Variants in USP32 observed in about 807,000 individuals in gnomAD.
USP32 encodes ubiquitin carboxyl-terminal hydrolase 32.
USP32 carries 59 observed loss-of-function variants against 204.8 expected under a neutral mutation model. That is an observed-to-expected ratio of 0.29 (90% CI 0.23 to 0.36). The LOEUF (loss-of-function observed/expected upper bound fraction) is 0.36, where lower values mean the gene tolerates loss of function less well. Ranked by LOEUF, USP32 falls within the 10% of genes least tolerant of loss-of-function variation. The probability of loss-of-function intolerance (pLI) is 1.00; values close to 1 mark genes in which losing one functional copy is unlikely to be tolerated. For synonymous variants in USP32, 517 were observed against 678.4 expected (o/e 0.76, Z 3.70); for missense variants, 1,160 against 1,946.4 (o/e 0.60, Z 7.60).
intron 4 of USP32, among the ~76,000 whole-genome samples, chr17:60,291,977 A>G (rs746583046): frequency 6.6e-6 from 1 of 151,446 alleles, no homozygotes; most frequent in Non-Finnish European, 1.5e-5. Flanking sequence ...CATTTCATCT[A>G]GTATCCTACA....
chr17:60,288,834 A>G (rs1044836563), intron 4 of USP32, 152 bp from the exon 5 acceptor site: 2 of 618,302 alleles, frequency 3.2e-6, no homozygotes, highest in Non-Finnish European at 5.5e-6. Context: ...GTGTATATAC[A>G]TATTTGGAAA....
intron 18 of USP32, among the ~76,000 whole-genome samples, chr17:60,212,546 T>C (rs1598074251): frequency 6.6e-6 from 1 of 151,950 alleles, no homozygotes. Context: ...ATGCCTGTAA[T>C]TGGCTCTAAA....
intron 10 of USP32, among the ~76,000 whole-genome samples, chr17:60,253,915 T>C (rs2086231255): frequency 6.6e-6 from 1 of 152,196 alleles, no homozygotes; most frequent in Non-Finnish European, 1.5e-5. Context: ...AATTATAACT[T>C]GTAATAAAGC....
intron 12 of USP32, among the ~76,000 whole-genome samples, chr17:60,229,920 TCTC>T (rs2085501289): frequency 6.6e-6 from 1 of 152,110 alleles, no homozygotes; most frequent in Admixed American, 6.5e-5. Flanking sequence ...TTCAAGCAAT[TCTC>T]CTGCCTCAGC....
At chr17:60,395,267 C>T (rs2089893557), upstream of USP32, among the ~76,000 whole-genome samples, 2 of 152,124 alleles carry the variant, frequency 1.3e-5, no homozygotes, top group South Asian at 4.1e-4. Flanking sequence ...CCTGGCATCC[C>T]CTAAGGTCAT....
chr17:60,419,004 C>G (rs952732228), intron 1 of USP32, among the ~76,000 whole-genome samples: 16 of 152,148 alleles, frequency 1.1e-4, no homozygotes, highest in African/African-American at 3.4e-4. Flanking sequence ...CCCAGCAATC[C>G]TGTTACTGGA....
chr17:60,336,877 G>C (rs137922984), intron 2 of USP32, among the ~76,000 whole-genome samples: 1 of 152,282 alleles, frequency 6.6e-6, no homozygotes, highest in Non-Finnish European at 1.5e-5. Context: ...CCAGTATCCT[G>C]CTGGTTGTTC....
intron 1 of USP32, among the ~76,000 whole-genome samples, chr17:60,349,631 T>TATACATATATATACAC (rs1358260662): frequency 2.9e-5 from 3 of 103,342 alleles, no homozygotes; most frequent in African/African-American, 1.8e-4. Flanking sequence ...ATATTATATA[T>TATACATATATATACAC]ATATATATAT....
intron 16 of USP32, among the ~76,000 whole-genome samples, chr17:60,216,039 A>G (rs1161142977): frequency 6.6e-6 from 1 of 152,238 alleles, no homozygotes; most frequent in Non-Finnish European, 1.5e-5. Context: ...AATTGAAGCC[A>G]AGAAGTTTCC....
chr17:60,376,562 C>T (rs1222950940), intron 1 of USP32, among the ~76,000 whole-genome samples: 3 of 150,328 alleles, frequency 2.0e-5, no homozygotes, highest in Non-Finnish European at 4.4e-5. Context: ...CTCACTCTGT[C>T]GCTCAGGCTA....
At chr17:60,420,172 A>G (rs1412784336) in intron 1 of USP32, among the ~76,000 whole-genome samples, 3 of 149,682 alleles carry the variant, frequency 2.0e-5, no homozygotes, top group African/African-American at 7.4e-5. Flanking sequence ...AATAGTAGAG[A>G]GTTTTAGTAG....
At position 60,329,028 on chromosome 17, in the gene USP32, G is replaced by A. The variant is rs1032347253; in HGVS notation, c.186+16453C>T. On this transcript the variant is annotated intron_variant, in intron 2 of 33. Coordinates refer to ENST00000300896, the MANE Select transcript of USP32 (RefSeq NM_032582.4). ...GCCAAGTGGATGGAAAAAGCCCAGC[G>A]GGCCCAGACAAAGGCGCCACCAGCC... 9.2e-5 allele frequency among the ~76,000 whole-genome samples: 14 copies of A among 152,126 alleles called. No individual in the cohort carries two copies. In the South Asian group the frequency reaches 1.0e-3, roughly 11 times the overall value.
chr17:60,292,558 T>C (rs533324741), intron 4 of USP32, among the ~76,000 whole-genome samples: 181 of 152,282 alleles, frequency 1.2e-3, no homozygotes, highest in Non-Finnish European at 1.8e-3. Flanking sequence ...TGTCACATAG[T>C]CCATAATCAA....
At chr17:60,253,267 A>G (rs1598146561) in intron 10 of USP32, among the ~76,000 whole-genome samples, 2 of 152,212 alleles carry the variant, frequency 1.3e-5, no homozygotes, top group East Asian at 3.8e-4. Flanking sequence ...TGAGATAAAG[A>G]GTACACTGAA....
intron 3 of USP32, among the ~76,000 whole-genome samples, chr17:60,297,115 C>T (rs1030391173): frequency 3.9e-5 from 6 of 152,182 alleles, no homozygotes; most frequent in African/African-American, 1.4e-4. Flanking sequence ...AAAGAATAAA[C>T]TGCCAGGTAT....
chr17:60,276,967 A>ATATATATATATATATAT (rs1555606786), intron 5 of USP32, among the ~76,000 whole-genome samples: 4 of 141,262 alleles, frequency 2.8e-5, no homozygotes, highest in African/African-American at 1.2e-4. Flanking sequence ...ATATATATAT[A>ATATATATATATATATAT]AAATTACCAA....
At chr17:60,338,220 G>A (rs2088570611) in intron 2 of USP32, among the ~76,000 whole-genome samples, 1 of 151,688 alleles carries the variant, frequency 6.6e-6, no homozygotes, top group Non-Finnish European at 1.5e-5. Context: ...AGCTACTTGG[G>A]AGGCAGAGGC....
At chr17:60,300,300 G>T (rs1393894129) in intron 3 of USP32, among the ~76,000 whole-genome samples, 2 of 152,158 alleles carry the variant, frequency 1.3e-5, no homozygotes, top group East Asian at 3.9e-4. Flanking sequence ...AGAAAAGAAT[G>T]AGGGGACAGA....
chr17:60,373,658 C>T (rs1040604259), intron 1 of USP32, among the ~76,000 whole-genome samples: 3 of 151,920 alleles, frequency 2.0e-5, no homozygotes, highest in African/African-American at 4.8e-5. Context: ...ACCATGTTAG[C>T]CTGGCTGGTC....
Sources: gnomAD v4.1 joint callset for allele counts (sites outside exome capture counted in the v4.1 genomes callset) on GRCh38, gnomAD v4.1.1 for gene constraint, MANE v1.5 for transcripts, NCBI Gene and HGNC (gene_info 2026-07-23, HGNC 2026-07-21) for gene names.